The following CCDC73 variants were observed in gnomAD, a reference collection of about 807,000 sequenced individuals.
The protein encoded by CCDC73 is coiled-coil domain-containing protein 73.
Under a neutral mutation model 116.5 loss-of-function variants are expected in CCDC73, and 95 were observed. That is an observed-to-expected ratio of 0.82 (90% confidence interval 0.69 to 0.97). The LOEUF (loss-of-function observed/expected upper bound fraction) is 0.97. CCDC73 is among the 50% of genes least tolerant of loss of function. The pLI is 0.00. For synonymous variants in CCDC73, 398 were observed against 401.3 expected, an observed-to-expected ratio of 0.99 and a Z score of 0.10; for missense variants, 1,066 against 1,206.8, an observed-to-expected ratio of 0.88 and a Z score of 1.73.
chr11:32,826,366 C>A, the CCDC73 span, among the ~76,000 whole-genome samples: 3 of 152,162 alleles, frequency 2.0e-5, no homozygotes, highest in Non-Finnish European at 2.9e-5. Flanking sequence ...ATCGATGTGC[C>A]TTTAAGGATG....
the CCDC73 span, among the ~76,000 whole-genome samples, chr11:32,828,334 AC>A: frequency 1.3e-5 from 2 of 151,614 alleles, no homozygotes; most frequent in African/African-American, 2.4e-5. Context: ...CATGGTGAAA[AC>A]CCCTCTCTCC....
At chr11:32,729,934 T>C (rs577738747) in intron 2 of CCDC73, among the ~76,000 whole-genome samples, 3 of 152,374 alleles carry the variant, frequency 2.0e-5, no homozygotes, top group Middle Eastern at 3.4e-3. Context: ...AGACATTGTT[T>C]ATGTACCTTT....
At chr11:32,760,640 T>C (rs1850383748) in intron 1 of CCDC73, among the ~76,000 whole-genome samples, 1 of 152,208 alleles carries the variant, frequency 6.6e-6, no homozygotes, top group Non-Finnish European at 1.5e-5. Context: ...ATATGAATAG[T>C]AACATGCAAT....
At chr11:32,786,138 C>T (rs1850624309) in intron 1 of CCDC73, among the ~76,000 whole-genome samples, 1 of 151,722 alleles carries the variant, frequency 6.6e-6, no homozygotes, top group Non-Finnish European at 1.5e-5. Flanking sequence ...ACAGAAATAT[C>T]TAAAAATGCA....
intron 2 of CCDC73, among the ~76,000 whole-genome samples, chr11:32,731,428 G>A (rs11822289): frequency 0.16 from 23,833 of 152,130 alleles, 1,999 homozygotes; most frequent in South Asian, 0.27. Flanking sequence ...GAGAGTAGTC[G>A]TTCTCCCAGC....
Position 32,784,807 on chromosome 11 carries a change from A to G in CCDC73, c.-16+9806T>C, listed in dbSNP as rs193009314. 1.1e-4 allele frequency among the ~76,000 whole-genome samples: 17 copies of G among 152,274 alleles called. No homozygotes were observed. The East Asian group carries it at 3.3e-3, about 29-fold the overall frequency. On this transcript the variant is annotated intron_variant, in intron 1 of 17. Transcript: ENST00000335185. The stretch of plus-strand genomic sequence containing the variant: ...AACATATAATGGAGGAGTAAATTTT[A>G]TTGTATATGTTTTAAGTTGGTACAG...
At chr11:32,735,059 T>C (rs1279528338) in intron 2 of CCDC73, among the ~76,000 whole-genome samples, 6 of 152,194 alleles carry the variant, frequency 3.9e-5, no homozygotes, top group Non-Finnish European at 8.8e-5. Flanking sequence ...CCACAGCCAA[T>C]ATCATACTGA....
intron 17 of CCDC73, among the ~76,000 whole-genome samples, chr11:32,609,608 A>G (rs914124802): frequency 1.3e-5 from 2 of 151,840 alleles, no homozygotes; most frequent in African/African-American, 2.4e-5. Flanking sequence ...TTGCTTCCAC[A>G]TTTTCGGGTA....
rs149073430 is a variant in CCDC73, at chr11:32,771,051, A to C, written c.-15-10793T>G. 1.9e-3 allele frequency among the ~76,000 whole-genome samples: 290 copies of C among 152,322 alleles called. 1 individual carries two copies. The highest frequency in any genetic ancestry group is 6.6e-3 in the African/African-American group (275 of 41,592). The stretch of plus-strand genomic sequence containing the variant: ...ATCTTAGAGCATCCTGACATGCCCA[A>C]GGTAGGAGAAATCAGTCCTAAAAAG... On this transcript the variant is annotated intron_variant, in intron 1 of 17. Transcript: ENST00000335185.
At chr11:32,765,891 G>C (rs1225081290) in intron 1 of CCDC73, among the ~76,000 whole-genome samples, 1 of 152,168 alleles carries the variant, frequency 6.6e-6, no homozygotes, top group East Asian at 1.9e-4. Flanking sequence ...AGGAGGAGCT[G>C]GTACCATTCT....
At chr11:32,675,770 A>T in intron 8 of CCDC73, 116 bp downstream of exon 8, 1 of 1,192,466 alleles carries the variant, frequency 8.4e-7, no homozygotes, top group Non-Finnish European at 1.2e-6. Flanking sequence ...GGTAACAGTT[A>T]TTAACTGCCA....
chr11:32,696,626 C>T (rs72895293), intron 6 of CCDC73, among the ~76,000 whole-genome samples: 41,175 of 151,664 alleles, frequency 0.27, 6,452 homozygotes, highest in East Asian at 0.79. Context: ...TGTACAGACG[C>T]GGTTTTGCCA....
In CCDC73 at chr11:32,692,658, C is replaced by T. The variant is rs142941941; in HGVS notation, c.390+6593G>A. On this transcript the variant is annotated intron_variant, in intron 6 of 17. Transcript: ENST00000335185. The stretch of plus-strand genomic sequence containing the variant: ...TCTTTATTCATGCCTCTTCTGAGAG[C>T]GTGAATGAAACTCTCTCCTCCACTT... Among the ~76,000 whole-genome samples the T allele has an allele frequency of 3.1e-3, 478 of 152,206 alleles. 2 individuals carry two copies. The highest frequency in any genetic ancestry group is 0.011 in the African/African-American group (464 of 41,546).
At chr11:32,759,761 A>C (rs1850375192) in intron 2 of CCDC73, among the ~76,000 whole-genome samples, 1 of 152,220 alleles carries the variant, frequency 6.6e-6, no homozygotes, top group African/African-American at 2.4e-5. Flanking sequence ...TCTATATAAT[A>C]ACCTTAACAA....
intron 2 of CCDC73, among the ~76,000 whole-genome samples, chr11:32,721,758 C>A (rs1248418187): frequency 6.6e-6 from 1 of 151,726 alleles, no homozygotes; most frequent in African/African-American, 2.4e-5. Flanking sequence ...CCACAGTGCC[C>A]GGCTAATTTT....
chr11:32,629,935 C>CAAAAAAAAAAAAAA (rs61061465), intron 14 of CCDC73, among the ~76,000 whole-genome samples: 1 of 123,352 alleles, frequency 8.1e-6, no homozygotes, highest in Non-Finnish European at 1.7e-5. Context: ...AAAAAAAAAA[C>CAAAAAAAAAAAAAA]AAAAAAAAAA....
chr11:32,776,610 C>G (rs1437117367), intron 1 of CCDC73, among the ~76,000 whole-genome samples: 1 of 152,020 alleles, frequency 6.6e-6, no homozygotes, highest in Non-Finnish European at 1.5e-5. Flanking sequence ...TCCAGGAACC[C>G]TTCCCTGGCT....
intron 6 of CCDC73, among the ~76,000 whole-genome samples, chr11:32,698,182 G>A (rs1388675791): frequency 3.3e-5 from 5 of 151,436 alleles, no homozygotes; most frequent in East Asian, 2.0e-4. Context: ...CCGCCACCAC[G>A]CCCAGCTAAT....
At chr11:32,728,234 G>C (rs1484984724) in intron 2 of CCDC73, among the ~76,000 whole-genome samples, 1 of 152,044 alleles carries the variant, frequency 6.6e-6, no homozygotes, top group Non-Finnish European at 1.5e-5. Context: ...CTAGGTAACA[G>C]AGCAAGACCT....
Sources: allele counts gnomAD v4.1 joint callset (sites outside exome capture counted in the v4.1 genomes callset), GRCh38; gene constraint gnomAD v4.1.1; transcripts MANE v1.5; gene names NCBI Gene and HGNC (gene_info 2026-07-23, HGNC 2026-07-21).